Variants in OR9Q1 observed in about 807,000 individuals in gnomAD.
The protein encoded by OR9Q1 is olfactory receptor 9Q1.
For synonymous variants in OR9Q1, 153 were observed against 148.6 expected (o/e 1.03, Z -0.22); for missense variants, 374 against 378.8 (o/e 0.99, Z 0.11).
chr11:58,089,078 A>G (rs936188306), intron 2 of OR9Q1, among the ~76,000 whole-genome samples: 1 of 151,484 alleles, frequency 6.6e-6, no homozygotes, highest in Non-Finnish European at 1.5e-5. Context: ...GGGTTTCATC[A>G]TGTTGGCCAG....
intron 2 of OR9Q1, among the ~76,000 whole-genome samples, chr11:58,099,919 A>ACTTAAG (rs1853767485): frequency 6.6e-6 from 1 of 152,170 alleles, no homozygotes; most frequent in Non-Finnish European, 1.5e-5. Flanking sequence ...TACAACATAC[A>ACTTAAG]TCCTTTTGGT....
At chr11:58,106,668 T>G (rs1484616523) in intron 2 of OR9Q1, among the ~76,000 whole-genome samples, 1 of 152,198 alleles carries the variant, frequency 6.6e-6, no homozygotes, top group Non-Finnish European at 1.5e-5. Flanking sequence ...AGTTAATTTT[T>G]GTGTGTGCAT....
chr11:58,171,927 A>C (rs1854559191), intron 2 of OR9Q1, among the ~76,000 whole-genome samples: 1 of 152,148 alleles, frequency 6.6e-6, no homozygotes, highest in Admixed American at 6.5e-5. Context: ...TCAACAAAGA[A>C]TTTCCATATT....
rs17152468 is a variant in OR9Q1, at chr11:58,180,437, C to T, written c.*60C>T. 13,296 of 1,044,114 alleles carry T rather than the reference C, an allele frequency of 0.013. 1,030 individuals carry two copies. The African/African-American group carries it at 0.18, about 14-fold the overall frequency. 64.7% of individuals were successfully genotyped at this position (1,044,114 alleles called of 1,614,324 possible). On this transcript the variant is annotated 3_prime_UTR_variant, in exon 3 of 3. Coordinates refer to ENST00000335397, the MANE Select transcript of OR9Q1 (RefSeq NM_001005212.4). ...TACTCTGTAGTGTCAGAATTCTGGA[C>T]GCTCATTATTTATAGCATGCTCAAT... is the stretch of plus-strand genomic sequence containing the variant.
At chr11:58,041,322 G>A (rs1853160003) in intron 1 of OR9Q1, 1 of 152,818 alleles carries the variant, frequency 6.5e-6, no homozygotes, top group Non-Finnish European at 1.5e-5. Context: ...CGATGGTCTT[G>A]GCCAGCACAG....
At chr11:58,175,527 T>C (rs1854598407) in intron 2 of OR9Q1, among the ~76,000 whole-genome samples, 1 of 152,184 alleles carries the variant, frequency 6.6e-6, no homozygotes, top group East Asian at 1.9e-4. Flanking sequence ...ATCCCCATAG[T>C]AGAGGGAATA....
intron 1 of OR9Q1, chr11:58,047,193 G>A (rs541756432): frequency 1.3e-5 from 2 of 152,316 alleles, no homozygotes; most frequent in East Asian, 3.9e-4. Context: ...TCAAAGTTGT[G>A]TAAGTCAATA....
chr11:58,092,294 T>C (rs1853691914), intron 2 of OR9Q1, among the ~76,000 whole-genome samples: 1 of 149,462 alleles, frequency 6.7e-6, no homozygotes, highest in Non-Finnish European at 1.5e-5. Context: ...CCTTTCCACA[T>C]TTAGTGCTTT....
chr11:58,143,313 T>TA (rs1854268556), intron 2 of OR9Q1, among the ~76,000 whole-genome samples: 1 of 152,224 alleles, frequency 6.6e-6, no homozygotes, highest in Non-Finnish European at 1.5e-5. Flanking sequence ...AAAGGTTAAT[T>TA]AAATTGCTCA....
At chr11:58,118,637 C>T (rs1487173238) in intron 2 of OR9Q1, 13 of 1,613,806 alleles carry the variant, frequency 8.1e-6, no homozygotes, top group Non-Finnish European at 1.1e-5. Flanking sequence ...ACTTTGTCTT[C>T]CTCCAGAGAT....
At chr11:58,031,072 C>G (rs1406932167) in intron 1 of OR9Q1, 3 of 1,614,184 alleles carry the variant, frequency 1.9e-6, no homozygotes, top group Non-Finnish European at 2.5e-6. Context: ...ACCTGTTCAC[C>G]TTGGTGGAGA....
At chr11:58,127,538 C>T (rs1308653819) in intron 2 of OR9Q1, among the ~76,000 whole-genome samples, 2 of 152,144 alleles carry the variant, frequency 1.3e-5, no homozygotes, top group Non-Finnish European at 1.5e-5. Flanking sequence ...GCAGCCCACA[C>T]CAACCATCCA....
intron 1 of OR9Q1, among the ~76,000 whole-genome samples, chr11:58,025,568 G>C (rs1056399853): frequency 2.0e-5 from 3 of 152,156 alleles, no homozygotes; most frequent in Non-Finnish European, 4.4e-5. Context: ...GTTGGGGCAG[G>C]GGGGAAGAGG....
At chr11:58,059,676 A>T (rs952745133) in intron 2 of OR9Q1, among the ~76,000 whole-genome samples, 4 of 101,844 alleles carry the variant, frequency 3.9e-5, no homozygotes, top group African/African-American at 7.6e-5. Context: ...TGACTGAGTG[A>T]GGCTCTGTCT....
intron 2 of OR9Q1, among the ~76,000 whole-genome samples, chr11:58,106,040 C>G (rs535247550): frequency 1.3e-5 from 2 of 152,118 alleles, no homozygotes; most frequent in South Asian, 4.1e-4. Flanking sequence ...AGGAAACTCT[C>G]TACTGTTTCC....
At chr11:58,141,661 G>A (rs10896704) in intron 2 of OR9Q1, among the ~76,000 whole-genome samples, 54,291 of 151,996 alleles carry the variant, frequency 0.36, 11,515 homozygotes, top group East Asian at 0.64. Flanking sequence ...GTTCGTCAGG[G>A]ATGTGCAGCT....
intron 2 of OR9Q1, among the ~76,000 whole-genome samples, chr11:58,142,211 G>A (rs897348115): frequency 9.9e-5 from 15 of 151,948 alleles, no homozygotes; most frequent in African/African-American, 3.1e-4. Flanking sequence ...CATCATGGTA[G>A]AAGAATATAT....
chr11:58,117,261 G>T (rs1362717030), intron 2 of OR9Q1: 1 of 151,640 alleles, frequency 6.6e-6, no homozygotes, highest in African/African-American at 2.4e-5. Context: ...ACTTGTTTTA[G>T]GTCTGCAAAA....
chr11:58,044,190 T>C (rs1227044021), intron 1 of OR9Q1: 4 of 152,216 alleles, frequency 2.6e-5, no homozygotes, highest in African/African-American at 4.8e-5. Flanking sequence ...CATCTTCTTT[T>C]TGGTCTCGAC....
Sources: gnomAD v4.1 joint callset for allele counts (sites outside exome capture counted in the v4.1 genomes callset) on GRCh38, gnomAD v4.1.1 for gene constraint, MANE v1.5 for transcripts, NCBI Gene and HGNC (gene_info 2026-07-23, HGNC 2026-07-21) for gene names.